PRSS23: variants seen among roughly 807,000 people sequenced by gnomAD.
The protein encoded by PRSS23 is protease, serine 23.
A neutral mutation model predicts 34.7 loss-of-function variants in PRSS23; 25 were observed. The ratio of observed to expected loss-of-function variants is 0.72; its 90% CI spans 0.53 to 1.01. PRSS23 has a LOEUF of 1.01. Among genes scored for constraint, PRSS23 ranks in the 50% least tolerant of loss-of-function variants. The pLI is 0.00. For missense variants in PRSS23, 445 were observed against 475.6 expected, an observed-to-expected ratio of 0.94 and a Z score of 0.60; for synonymous variants, 176 against 186.6, an observed-to-expected ratio of 0.94 and a Z score of 0.46.
At chr11:86,798,838 G>A (rs1350292020), upstream of PRSS23, among the ~76,000 whole-genome samples, 2 of 152,088 alleles carry the variant, frequency 1.3e-5, no homozygotes, top group African/African-American at 2.4e-5. Flanking sequence ...GACCACAGGC[G>A]TGTGCCACCA....
At chr11:86,884,220 C>T (rs556738497) in intron 2 of PRSS23, among the ~76,000 whole-genome samples, 223 of 152,320 alleles carry the variant, frequency 1.5e-3, no homozygotes, top group Admixed American at 3.3e-3. Context: ...TTACATCTAT[C>T]GCCATTTGGC....
intron 2 of PRSS23, among the ~76,000 whole-genome samples, chr11:86,881,544 C>T (rs1948772251): frequency 6.6e-6 from 1 of 152,134 alleles, no homozygotes; most frequent in Admixed American, 6.5e-5. Context: ...ATAAGAGATA[C>T]TGCTCTATCA....
chr11:86,827,444 G>T (rs981234585), intron 2 of PRSS23, among the ~76,000 whole-genome samples: 1 of 152,088 alleles, frequency 6.6e-6, no homozygotes, highest in Non-Finnish European at 1.5e-5. Flanking sequence ...CAAAAAACCA[G>T]CTGCTGGATT....
intron 2 of PRSS23, among the ~76,000 whole-genome samples, chr11:86,879,984 G>C (rs1205353466): frequency 6.6e-6 from 1 of 152,160 alleles, no homozygotes; most frequent in African/African-American, 2.4e-5. Context: ...GATGACAATG[G>C]CGGTTTTGTG....
At chr11:86,928,696 A>T (rs58274967) in intron 2 of PRSS23, among the ~76,000 whole-genome samples, 11 of 97,910 alleles carry the variant, frequency 1.1e-4, no homozygotes, top group East Asian at 6.1e-4. Context: ...AAAAAAAAAA[A>T]AAAAAAAAAA....
chr11:86,937,036 C>G (rs1388873061), intron 2 of PRSS23: 1 of 152,166 alleles, frequency 6.6e-6, no homozygotes, highest in Non-Finnish European at 1.5e-5. Flanking sequence ...AGTACATGTG[C>G]CCTAATAGAG....
At chr11:86,861,785 TC>T (rs1338649241) in intron 2 of PRSS23, among the ~76,000 whole-genome samples, 1 of 151,258 alleles carries the variant, frequency 6.6e-6, no homozygotes, top group Non-Finnish European at 1.5e-5. Flanking sequence ...GGATATTACT[TC>T]CCATGTCTGA....
intron 2 of PRSS23, among the ~76,000 whole-genome samples, chr11:86,920,537 G>GGAA: frequency 6.6e-6 from 1 of 152,258 alleles, no homozygotes; most frequent in East Asian, 1.9e-4. Context: ...ACTAGGCCTG[G>GGAA]GAAGAATGTT....
At chr11:86,945,023 A>AT (rs764512442) in intron 2 of PRSS23, among the ~76,000 whole-genome samples, 81 of 152,298 alleles carry the variant, frequency 5.3e-4, no homozygotes, top group Middle Eastern at 3.4e-3. Context: ...TGTGAGGTCT[A>AT]TAATATTACT....
At chr11:86,792,932 G>T (rs1947960292) in intron 1 of PRSS23, among the ~76,000 whole-genome samples, 1 of 152,154 alleles carries the variant, frequency 6.6e-6, no homozygotes, top group Admixed American at 6.5e-5. Flanking sequence ...AAATGCAGTG[G>T]TACAGTCACA....
chr11:86,824,000 C>T (rs541072651), intron 2 of PRSS23, among the ~76,000 whole-genome samples: 4 of 99,976 alleles, frequency 4.0e-5, no homozygotes, highest in African/African-American at 1.7e-4. Flanking sequence ...AGCGAGACTC[C>T]GTCTCAAAAA....
At chr11:86,881,157 A>G (rs1948769676) in intron 2 of PRSS23, among the ~76,000 whole-genome samples, 1 of 151,668 alleles carries the variant, frequency 6.6e-6, no homozygotes, top group Middle Eastern at 3.2e-3. Flanking sequence ...TTCACCTATT[A>G]AGTAGGATAT....
intron 2 of PRSS23, among the ~76,000 whole-genome samples, chr11:86,854,270 G>T (rs1425522926): frequency 6.6e-6 from 1 of 152,170 alleles, no homozygotes; most frequent in African/African-American, 2.4e-5. Flanking sequence ...AAAGTGCCGG[G>T]ATTACAGGTG....
At chr11:86,853,657 T>A (rs1351661064) in intron 2 of PRSS23, among the ~76,000 whole-genome samples, 1 of 152,166 alleles carries the variant, frequency 6.6e-6, no homozygotes, top group Non-Finnish European at 1.5e-5. Flanking sequence ...TGCTTCCACA[T>A]TTTTGCTGTT....
intron 2 of PRSS23, among the ~76,000 whole-genome samples, chr11:86,886,233 G>C (rs566237576): frequency 6.6e-6 from 1 of 152,110 alleles, no homozygotes; most frequent in Non-Finnish European, 1.5e-5. Context: ...GTGCTTTTAG[G>C]AATATAGCCC....
chr11:86,832,678 G>T (rs1948368568), intron 2 of PRSS23: 2 of 382,848 alleles, frequency 5.2e-6, no homozygotes, highest in Non-Finnish European at 1.0e-5. Context: ...CTGAACTCAG[G>T]TACCCCCCAA....
At chr11:86,939,440 G>C (rs1427142031) in intron 2 of PRSS23, among the ~76,000 whole-genome samples, 2 of 57,478 alleles carry the variant, frequency 3.5e-5, no homozygotes, top group African/African-American at 4.2e-5. Context: ...TTTAACATGA[G>C]TAAAAATTGC....
chr11:86,857,878 A>T (rs541485925), intron 2 of PRSS23: 4 of 508,588 alleles, frequency 7.9e-6, no homozygotes, highest in African/African-American at 1.9e-5. Context: ...GCCAGCCAGG[A>T]TGATGAACAG....
chr11:86,812,426 A>G (rs1357346439), downstream of PRSS23, among the ~76,000 whole-genome samples: 3 of 152,344 alleles, frequency 2.0e-5, no homozygotes, highest in Non-Finnish European at 4.4e-5. Context: ...TGGGCGATCA[A>G]CAACACATCT....
Sources: gnomAD v4.1 joint callset for allele counts (sites outside exome capture counted in the v4.1 genomes callset) on GRCh38, gnomAD v4.1.1 for gene constraint, MANE v1.5 for transcripts, NCBI Gene and HGNC (gene_info 2026-07-23, HGNC 2026-07-21) for gene names.